The following MB21D2 variants were observed in gnomAD, a reference collection of about 807,000 sequenced individuals.
The protein encoded by MB21D2 is Mab-21 domain containing 2, also known as nucleotidyltransferase MB21D2.
In MB21D2, 9 loss-of-function variants were observed where a neutral mutation model predicts 33.3. That is an observed-to-expected ratio of 0.27 (90% CI 0.16 to 0.47). The LOEUF (loss-of-function observed/expected upper bound fraction) is 0.47, where lower values mean the gene tolerates loss of function less well. Among genes scored for constraint, MB21D2 ranks in the 20% least tolerant of loss-of-function variants. The pLI is 0.99. For missense variants in MB21D2, 540 were observed against 624.6 expected (o/e 0.86, Z 1.44); for synonymous variants, 241 against 236.3 (o/e 1.02, Z -0.18).
intron 1 of MB21D2, among the ~76,000 whole-genome samples, chr3:192,916,437 A>G (rs1209395318): frequency 3.3e-5 from 5 of 152,328 alleles, no homozygotes; most frequent in African/African-American, 1.2e-4. Flanking sequence ...GCCCTGTCTT[A>G]GTCTGTGGCC....
rs185133078 is a variant in MB21D2 at position 192,820,957 on chromosome 3, G to A, written c.212-21307C>T. On this transcript the variant is annotated intron_variant, in intron 1 of 1. Coordinates refer to ENST00000392452, the MANE Select transcript of MB21D2 (RefSeq NM_178496.4). Reference sequence around the variant, plus strand: ...TTTTATATATATTTTTTGTAGAGATGAGGTCTCGCTATGTTGCTGAGGCTA... The same window carrying A: ...TTTTATATATATTTTTTGTAGAGATAAGGTCTCGCTATGTTGCTGAGGCTA... Among the ~76,000 whole-genome samples the A allele has an allele frequency of 5.1e-3, 772 of 152,034 alleles. 2 individuals are homozygous for A. Among genetic ancestry groups the A allele is most frequent in the Non-Finnish European group, 8.5e-3 (580 of 67,976 alleles).
At chr3:192,857,715 G>T (rs1240025658) in intron 1 of MB21D2, among the ~76,000 whole-genome samples, 1 of 152,156 alleles carries the variant, frequency 6.6e-6, no homozygotes, top group Non-Finnish European at 1.5e-5. Context: ...TGCAGATAGG[G>T]AAGAAGACTC....
At chr3:192,897,291 G>C (rs1305569597) in intron 1 of MB21D2, among the ~76,000 whole-genome samples, 3 of 152,130 alleles carry the variant, frequency 2.0e-5, no homozygotes, top group Admixed American at 6.5e-5. Context: ...TCAAACCAAT[G>C]AGCAACAGTG....
intron 1 of MB21D2, among the ~76,000 whole-genome samples, chr3:192,910,137 A>C (rs990571896): frequency 1.3e-5 from 2 of 151,394 alleles, no homozygotes; most frequent in Non-Finnish European, 2.9e-5. Context: ...CTCGGAGGTC[A>C]CCAATGTGAG....
At chr3:192,900,469 A>C (rs1220700353) in intron 1 of MB21D2, among the ~76,000 whole-genome samples, 3 of 152,162 alleles carry the variant, frequency 2.0e-5, no homozygotes, top group Admixed American at 6.5e-5. Context: ...AATGGTCAAC[A>C]GGGTCAAGTT....
At chr3:192,901,413 C>CAAAAAAAAAAAAAAAAA (rs71635401) in intron 1 of MB21D2, among the ~76,000 whole-genome samples, 4 of 100,880 alleles carry the variant, frequency 4.0e-5, no homozygotes, top group African/African-American at 7.6e-5. Context: ...ACTAAAAATT[C>CAAAAAAAAAAAAAAAAA]AAAAAAAAAA....
chr3:192,879,617 T>C (rs982450787), intron 1 of MB21D2, among the ~76,000 whole-genome samples: 9 of 152,172 alleles, frequency 5.9e-5, no homozygotes, highest in African/African-American at 1.9e-4. Context: ...AGTGGCAGGT[T>C]GGAAGCAGGG....
rs772920010 is a variant in MB21D2, at chr3:192,917,832, C to T, written c.9G>A (p.Met3Ile). 1 of 1,607,952 alleles carries T rather than the reference C, an allele frequency of 6.2e-7. No individual in the cohort carries two copies. The highest frequency in any genetic ancestry group is 1.3e-5 in the African/African-American group (1 of 74,868). Residue 3 changes from methionine to isoleucine, a missense_variant, in exon 1 of 2, where the codon ATG becomes ATA. Met to Ile is a conservative substitution (Grantham distance 10). Coordinates refer to ENST00000392452, the MANE Select transcript of MB21D2 (RefSeq NM_178496.4). MK[M>I]AAPTANKAAS... ...CTGCCTTGTTGGCGGTGGGAGCCGC[C>T]ATCTTCATGCAAAACGCGCCGAGTA...
At chr3:192,823,436 C>CT (rs1449315424) in intron 1 of MB21D2, among the ~76,000 whole-genome samples, 2 of 152,092 alleles carry the variant, frequency 1.3e-5, no homozygotes, top group African/African-American at 4.8e-5. Context: ...GGTGGATCAC[C>CT]TGAGGTTGGG....
At chr3:192,805,811 A>G (rs1449863774) in intron 1 of MB21D2, among the ~76,000 whole-genome samples, 2 of 152,250 alleles carry the variant, frequency 1.3e-5, no homozygotes, top group Non-Finnish European at 2.9e-5. Context: ...GTCTAAGCGC[A>G]TCGTAGATAT....
At chr3:192,897,952 C>T (rs989059732) in intron 1 of MB21D2, among the ~76,000 whole-genome samples, 8 of 139,466 alleles carry the variant, frequency 5.7e-5, no homozygotes, top group African/African-American at 2.2e-4. Flanking sequence ...GAGCAAGACC[C>T]TGTCTCAATA....
intron 1 of MB21D2, among the ~76,000 whole-genome samples, chr3:192,880,201 G>GGAATCGTGCTACATAACAAC (rs1560248391): frequency 1.3e-5 from 2 of 151,906 alleles, no homozygotes; most frequent in African/African-American, 4.8e-5. Flanking sequence ...AAAAAAATTA[G>GGAATCGTGCTACATAACAAC]CCAGGCGTGG....
intron 1 of MB21D2, among the ~76,000 whole-genome samples, chr3:192,809,660 T>G (rs954389081): frequency 1.8e-4 from 27 of 152,216 alleles, no homozygotes; most frequent in African/African-American, 6.3e-4. Context: ...AACAGATTTC[T>G]AGAGCAGATT....
intron 1 of MB21D2, among the ~76,000 whole-genome samples, chr3:192,845,158 CAG>C (rs1299727447): frequency 6.6e-6 from 1 of 152,198 alleles, no homozygotes; most frequent in Admixed American, 6.5e-5. Context: ...AAGAAACCTA[CAG>C]AAAAGTAACA....
chr3:192,830,380 G>T lies in MB21D2; in HGVS notation c.212-30730C>A, dbSNP rs150334251. Among the ~76,000 whole-genome samples, 11 of 151,948 alleles carry T rather than the reference G, an allele frequency of 7.2e-5. No homozygotes were observed. The East Asian group carries it at 1.7e-3, about 24-fold the overall frequency. On this transcript the variant is annotated intron_variant, in intron 1 of 1. Transcript: ENST00000392452. Reference sequence around the variant, plus strand: ...TTAAGCACTGTTTAGGTTCCATTCCGCACCCCCACCCCCTGCAAGCTAATT... The same window carrying T: ...TTAAGCACTGTTTAGGTTCCATTCCTCACCCCCACCCCCTGCAAGCTAATT...
At chr3:192,820,743 C>T (rs896150626) in intron 1 of MB21D2, among the ~76,000 whole-genome samples, 1 of 152,192 alleles carries the variant, frequency 6.6e-6, no homozygotes, top group Non-Finnish European at 1.5e-5. Flanking sequence ...ACCTAACTCG[C>T]GCTCCACCCT....
At chr3:192,811,328 C>T (rs1161760059) in intron 1 of MB21D2, among the ~76,000 whole-genome samples, 1 of 152,176 alleles carries the variant, frequency 6.6e-6, no homozygotes, top group African/African-American at 2.4e-5. Flanking sequence ...AAGTGAACTA[C>T]CACAGCAGAG....
At chr3:192,870,800 C>A (rs531371026) in intron 1 of MB21D2, among the ~76,000 whole-genome samples, 1 of 149,364 alleles carries the variant, frequency 6.7e-6, no homozygotes, top group Non-Finnish European at 1.5e-5. Context: ...AATGCAAAAC[C>A]GATGTAGAAA....
At chr3:192,820,026 A>G (rs575637655) in intron 1 of MB21D2, among the ~76,000 whole-genome samples, 1 of 152,174 alleles carries the variant, frequency 6.6e-6, no homozygotes, top group African/African-American at 2.4e-5. Flanking sequence ...TTGGCTACCA[A>G]GTAAGTTGGG....
Sources: allele counts gnomAD v4.1 joint callset (sites outside exome capture counted in the v4.1 genomes callset), GRCh38; gene constraint gnomAD v4.1.1; transcripts MANE v1.5; gene names NCBI Gene and HGNC (gene_info 2026-07-23, HGNC 2026-07-21).